KRT7: variants seen among roughly 807,000 people sequenced by gnomAD.
KRT7 encodes keratin, type II cytoskeletal 7.
A neutral mutation model predicts 42.8 loss-of-function variants in KRT7; 50 were observed. The observed-to-expected ratio is 1.17, with a 90% CI of 0.93 to 1.48. The LOEUF (loss-of-function observed/expected upper bound fraction) is 1.48. Ranked by LOEUF, KRT7 falls within the 40% of genes most tolerant of loss-of-function variation. The pLI is 0.00. For synonymous variants in KRT7, 268 were observed against 266.3 expected (o/e 1.01, Z -0.06); for missense variants, 588 against 637.6 (o/e 0.92, Z 0.84).
At chr12:52,244,295 G>A (rs1031547764) in intron 6 of KRT7, 2 of 983,916 alleles carry the variant, frequency 2.0e-6, no homozygotes, top group African/African-American at 3.5e-5. Context: ...GGCCAGGAGG[G>A]GAAGCACAGA....
chr12:52,239,116 G>T (rs771149922), intron 4 of KRT7, among the ~76,000 whole-genome samples: 1 of 152,190 alleles, frequency 6.6e-6, no homozygotes, highest in Non-Finnish European at 1.5e-5. Flanking sequence ...TGTTGGGTTG[G>T]GGCTTTAGGT....
At chr12:52,253,849 C>G (rs1002123480), downstream of KRT7, 4 of 473,184 alleles carry the variant, frequency 8.5e-6, no homozygotes, top group Non-Finnish European at 1.7e-5. Flanking sequence ...CCCTTGTCCC[C>G]TTTCCCTGCT....
chr12:52,239,593 C>T (rs995783436), intron 4 of KRT7, among the ~76,000 whole-genome samples: 6 of 151,944 alleles, frequency 3.9e-5, no homozygotes, highest in Non-Finnish European at 7.4e-5. Context: ...ATGGGATGAT[C>T]GCAGCATTTC....
downstream of KRT7, among the ~76,000 whole-genome samples, chr12:52,249,779 G>A (rs1942234777): frequency 6.6e-6 from 1 of 152,104 alleles, no homozygotes; most frequent in African/African-American, 2.4e-5. Flanking sequence ...GTGTGGATGG[G>A]GGAGCTATGT....
Position 52,245,510 on chromosome 12 carries a change from G to T in KRT7, c.1083G>T (p.Leu361=). The change falls in exon 7 of 9, where the codon CTG becomes CTT. Residue 361 remains leucine, a synonymous_variant. Transcript: ENST00000331817. ...AGCAGGAGGAGCTGGAAGCCGCCCT[G>T]CAGCGGGGCAAGCAGGATATGGCAC... ...RAKQEELEAA[L]QRGKQDMARQ... The T allele has an allele frequency of 1.2e-6, 2 of 1,614,044 alleles. No homozygotes were observed. Among genetic ancestry groups the T allele is most frequent in the Non-Finnish European group, 8.5e-7 (1 of 1,179,900 alleles).
intron 3 of KRT7, 22 bp downstream of exon 3, chr12:52,237,591 G>A (rs780641773): frequency 2.6e-6 from 4 of 1,533,508 alleles, no homozygotes; most frequent in East Asian, 2.4e-5. Flanking sequence ...AGACAGGCTC[G>A]AGGAGGGTTG....
downstream of KRT7, among the ~76,000 whole-genome samples, chr12:52,250,076 A>G (rs1942239807): frequency 1.3e-5 from 2 of 152,188 alleles, no homozygotes; most frequent in African/African-American, 4.8e-5. Context: ...CCAGGCAGCC[A>G]GGCAGGAGAG....
chr12:52,233,919 A>C (rs1902761), intron 1 of KRT7, among the ~76,000 whole-genome samples: 128,713 of 152,142 alleles, frequency 0.85, 54,584 homozygotes, highest in African/African-American at 0.91. Flanking sequence ...CCTGTTGGTC[A>C]CCTGGACCAG....
At chr12:52,234,125 G>GGA (rs1303321793) in intron 1 of KRT7, among the ~76,000 whole-genome samples, 2 of 131,948 alleles carry the variant, frequency 1.5e-5, no homozygotes, top group Non-Finnish European at 3.3e-5. Context: ...GTGGGGCGGG[G>GGA]GAGGGGGGGG....
At chr12:52,255,347 C>G (rs1189305429), downstream of KRT7, 1 of 456,708 alleles carries the variant, frequency 2.2e-6, no homozygotes, top group Admixed American at 2.3e-5. Context: ...TGGGGTCACT[C>G]ACCTTCTTCA....
downstream of KRT7, among the ~76,000 whole-genome samples, chr12:52,254,697 A>G (rs1278848580): frequency 6.6e-6 from 1 of 151,922 alleles, no homozygotes; most frequent in Admixed American, 6.6e-5. Context: ...ATGATGCCCC[A>G]CCCCTCTCCG....
intron 2 of KRT7, among the ~76,000 whole-genome samples, chr12:52,235,785 C>T (rs997592224): frequency 6.6e-6 from 1 of 152,182 alleles, no homozygotes; most frequent in Non-Finnish European, 1.5e-5. Context: ...AGTTTAGGGA[C>T]TTGGTTGAGC....
intron 8 of KRT7, among the ~76,000 whole-genome samples, 166 bp downstream of exon 8, chr12:52,248,377 T>C (rs1252769568): frequency 2.0e-5 from 3 of 152,068 alleles, no homozygotes; most frequent in Admixed American, 6.5e-5. Context: ...CCAGGCTCAA[T>C]GGCCTGGGAA....
rs1565721480 is a variant in KRT7 at position 52,245,404 on chromosome 12, GC to G, written c.985-5del. ...AGCCCCAGCTTACAGCTGCACTGCT[GC>G]CCACAGCGTGCCAAGTTGGAGGCCG... is the stretch of plus-strand genomic sequence containing the variant. On this transcript the variant is annotated splice_polypyrimidine_tract_variant and splice_region_variant and intron_variant, in intron 6 of 8. Transcript: ENST00000331817. The G allele has an allele frequency of 6.2e-7, 1 of 1,613,074 alleles. No homozygotes were observed. The highest frequency in any genetic ancestry group is 2.2e-5 in the East Asian group (1 of 44,862).
In KRT7 at chr12:52,233,420, C is replaced by A; in HGVS notation, c.124C>A (p.Leu42Ile). The change falls in exon 1 of 9, where the codon CTC becomes ATC. Residue 42 changes from leucine (L) to isoleucine (I), a missense_variant. Leu to Ile is a conservative substitution (Grantham distance 5, BLOSUM62 2). Transcript: ENST00000331817. ...CCTTGGCAGCAGCAGCCTCTACGGC[C>A]TCGGCGCCTCACGGCCGCGCGTGGC... ...GGLGSSSLYG[L>I]GASRPRVAVR... is the part of the protein sequence containing the mutation. 1 of 1,554,820 alleles carries A rather than the reference C, an allele frequency of 6.4e-7. No individual in the cohort carries two copies. Among genetic ancestry groups the A allele is most frequent in the Non-Finnish European group, 8.6e-7 (1 of 1,158,258 alleles).
downstream of KRT7, chr12:52,254,221 G>A: frequency 1.5e-6 from 1 of 685,638 alleles, no homozygotes; most frequent in East Asian, 3.8e-5. Flanking sequence ...ATTTTCCAAT[G>A]TCTAACTCAT....
chr12:52,238,297 G>C (rs964456595), intron 3 of KRT7, among the ~76,000 whole-genome samples: 1 of 152,206 alleles, frequency 6.6e-6, no homozygotes, highest in African/African-American at 2.4e-5. Flanking sequence ...GAGCGGGGCT[G>C]GGAATCTGAA....
intron 4 of KRT7, among the ~76,000 whole-genome samples, chr12:52,240,064 T>C (rs575081501): frequency 1.3e-5 from 2 of 152,306 alleles, no homozygotes; most frequent in East Asian, 1.9e-4. Context: ...GATTCATTAA[T>C]TTCAGGGGAA....
In KRT7 at chr12:52,233,260, C is replaced by A; in HGVS notation, c.-37C>A. The A allele has an allele frequency of 6.8e-7, 1 of 1,464,238 alleles. No individual in the cohort carries two copies. Among genetic ancestry groups the A allele is most frequent in the Non-Finnish European group, 9.1e-7 (1 of 1,104,696 alleles). The allele number at this position is 1,464,238 out of a possible 1,614,324, so 90.7% of individuals were successfully genotyped here. A position where few individuals can be genotyped will look rare whatever the true frequency, so the allele number is the denominator to read the frequency against. On this transcript the variant is annotated 5_prime_UTR_variant, in exon 1 of 9. Transcript: ENST00000331817. ...CCGAGGTCAGCGAGTGCGCGCTCCTCCTCGCCCGCCGCTAGGTCCATCCCG... is the reference window on the plus strand; with the variant it reads ...CCGAGGTCAGCGAGTGCGCGCTCCTACTCGCCCGCCGCTAGGTCCATCCCG...
Sources: allele counts gnomAD v4.1 joint callset (sites outside exome capture counted in the v4.1 genomes callset), GRCh38; gene constraint gnomAD v4.1.1; transcripts MANE v1.5; gene names NCBI Gene and HGNC (gene_info 2026-07-23, HGNC 2026-07-21).